SH3RF3: variants seen among roughly 807,000 people sequenced by gnomAD.
SH3RF3 encodes E3 ubiquitin-protein ligase SH3RF3.
In SH3RF3, 29 loss-of-function variants were observed where a neutral mutation model predicts 66.3. That is an observed-to-expected ratio of 0.44 (90% CI 0.33 to 0.60). SH3RF3 has a LOEUF of 0.60. SH3RF3 is among the 20% of genes least tolerant of loss of function. The pLI is 0.04. For missense variants in SH3RF3, 1,194 were observed against 1,190.9 expected, an observed-to-expected ratio of 1.00 and a Z score of -0.04; for synonymous variants, 583 against 532.0, an observed-to-expected ratio of 1.10 and a Z score of -1.32.
Position 109,476,099 on chromosome 2 carries a change from G to A in SH3RF3, c.2149-14506G>A, listed in dbSNP as rs1678676234. Reference sequence around the variant, plus strand: ...AAACTTGTAAGAGGGCAGATCTCAGGTTAAGTGTTCTTACCAAACTAAGAG... The same window carrying A: ...AAACTTGTAAGAGGGCAGATCTCAGATTAAGTGTTCTTACCAAACTAAGAG... On this transcript the variant is annotated intron_variant, in intron 8 of 9. Transcript: ENST00000309415. Among the ~76,000 whole-genome samples the A allele has an allele frequency of 3.3e-5, 5 of 152,266 alleles. No homozygotes were observed. The South Asian group carries it at 1.0e-3, about 32-fold the overall frequency.
intron 3 of SH3RF3, among the ~76,000 whole-genome samples, chr2:109,376,867 C>T (rs1401168015): frequency 6.6e-6 from 1 of 152,242 alleles, no homozygotes; most frequent in Non-Finnish European, 1.5e-5. Flanking sequence ...GAACCCCTTC[C>T]TTTGTTCCCC....
intron 1 of SH3RF3, among the ~76,000 whole-genome samples, chr2:109,296,493 C>T (rs1214482525): frequency 6.6e-6 from 1 of 152,110 alleles, no homozygotes; most frequent in Non-Finnish European, 1.5e-5. Flanking sequence ...CCACCCGCTT[C>T]AGCCTCCCAA....
rs1478149121 is a variant in SH3RF3, at chr2:109,308,237, G to A, written c.574-39437G>A. 1.5e-5 allele frequency among the ~76,000 whole-genome samples: 2 copies of A among 129,412 alleles called. 1 individual carries two copies. The highest frequency in any genetic ancestry group is 3.1e-5 in the Non-Finnish European group (2 of 64,112). 84.9% of individuals were successfully genotyped at this position (129,412 alleles called of 152,430 possible). A position where few individuals can be genotyped will look rare whatever the true frequency, so the allele number is the denominator to read the frequency against. ...AAATGTCTTCTTTTGAGAAGTGTCT[G>A]TTCACATCGTTTGCCCACTTTTTGA... On this transcript the variant is annotated intron_variant, in intron 1 of 9. Transcript: ENST00000309415.
At position 109,312,326 on chromosome 2, in the gene SH3RF3, T is replaced by C. The variant is rs537778080; in HGVS notation, c.574-35348T>C. Among the ~76,000 whole-genome samples, 16 of 152,360 alleles carry C rather than the reference T, an allele frequency of 1.1e-4. 1 individual carries two copies. The highest frequency in any genetic ancestry group is 3.8e-4 in the African/African-American group (16 of 41,584). The stretch of plus-strand genomic sequence containing the variant: ...CTCGAGGTTGGCTTGCTCCTCTTTC[T>C]AATAATTCTAACAAGTTTAACGGGT... On this transcript the variant is annotated intron_variant, in intron 1 of 9. Transcript: ENST00000309415.
intron 1 of SH3RF3, among the ~76,000 whole-genome samples, chr2:109,345,182 T>C (rs1483874783): frequency 6.6e-5 from 10 of 152,174 alleles, no homozygotes; most frequent in African/African-American, 2.4e-5. Flanking sequence ...GCACCCCAGC[T>C]TTACCTGCCA....
chr2:109,321,320 T>C (rs1287775153), intron 1 of SH3RF3, among the ~76,000 whole-genome samples: 1 of 152,242 alleles, frequency 6.6e-6, no homozygotes, highest in Non-Finnish European at 1.5e-5. Context: ...GTAGAGCAAA[T>C]GTGGCATGCA....
chr2:109,415,253 T>C (rs1676691767), intron 4 of SH3RF3, among the ~76,000 whole-genome samples: 1 of 152,246 alleles, frequency 6.6e-6, no homozygotes, highest in Non-Finnish European at 1.5e-5. Flanking sequence ...CCCCTGAGTC[T>C]GTGGCTGTTT....
chr2:109,382,405 C>A (rs1423244921), intron 3 of SH3RF3, among the ~76,000 whole-genome samples: 1 of 152,162 alleles, frequency 6.6e-6, no homozygotes, highest in Non-Finnish European at 1.5e-5. Context: ...CCCACCTGCG[C>A]CCAGCCCACT....
In SH3RF3 at chr2:109,501,953, C is replaced by T. The variant is rs914060849; in HGVS notation, c.*282C>T. ...CTTGAGGAAGAGAGGCAGGTGCCGG[C>T]GCAGGCAGGCCTGTGGCTGTGGTTT... On this transcript the variant is annotated 3_prime_UTR_variant, in exon 10 of 10. Transcript: ENST00000309415. 23 of 386,882 alleles carry T rather than the reference C, an allele frequency of 5.9e-5. No individual in the cohort carries two copies. Among genetic ancestry groups the T allele is most frequent in the Non-Finnish European group, 9.5e-5 (20 of 209,748 alleles). The allele number at this position is 386,882 out of a possible 1,614,324, so 24.0% of individuals were successfully genotyped here.
At chr2:109,484,862 T>C (rs982269422) in intron 8 of SH3RF3, among the ~76,000 whole-genome samples, 1 of 152,154 alleles carries the variant, frequency 6.6e-6, no homozygotes. Context: ...GAGGATCCAC[T>C]TGTGTCTGAA....
intron 1 of SH3RF3, among the ~76,000 whole-genome samples, chr2:109,241,718 T>C (rs1679788319): frequency 6.6e-6 from 1 of 152,032 alleles, no homozygotes; most frequent in Non-Finnish European, 1.5e-5. Flanking sequence ...GGCTTCTGTA[T>C]CTGCCAGTTT....
chr2:109,393,738 G>A (rs1038641643), intron 3 of SH3RF3, among the ~76,000 whole-genome samples: 2 of 151,996 alleles, frequency 1.3e-5, no homozygotes, highest in African/African-American at 4.8e-5. Context: ...CCTCCACTCT[G>A]GGTCAGTGCA....
intron 1 of SH3RF3, among the ~76,000 whole-genome samples, chr2:109,182,125 T>G (rs572900609): frequency 6.6e-6 from 1 of 152,358 alleles, no homozygotes; most frequent in Non-Finnish European, 1.5e-5. Context: ...TTTGTCTTAC[T>G]TAGTTTTCTG....
At chr2:109,312,397 T>G (rs967926110) in intron 1 of SH3RF3, among the ~76,000 whole-genome samples, 8 of 152,174 alleles carry the variant, frequency 5.3e-5, no homozygotes, top group Admixed American at 5.2e-4. Context: ...CATTATAAAG[T>G]GTGCCAGTGG....
chr2:109,180,950 C>A (rs1678058876), intron 1 of SH3RF3, among the ~76,000 whole-genome samples: 1 of 152,208 alleles, frequency 6.6e-6, no homozygotes, highest in African/African-American at 2.4e-5. Context: ...TTTCTCCATG[C>A]AATATGTTTA....
intron 1 of SH3RF3, among the ~76,000 whole-genome samples, chr2:109,268,762 G>A (rs1266061532): frequency 6.6e-6 from 1 of 151,710 alleles, no homozygotes; most frequent in African/African-American, 2.4e-5. Flanking sequence ...AAGGCTTTGA[G>A]TCTGATGATG....
intron 7 of SH3RF3, among the ~76,000 whole-genome samples, chr2:109,442,448 G>C (rs1176230202): frequency 6.6e-6 from 1 of 152,056 alleles, no homozygotes; most frequent in African/African-American, 2.4e-5. Flanking sequence ...TAACTACATA[G>C]ATAAATATAT....
At chr2:109,362,054 ATT>A (rs1683059205) in intron 2 of SH3RF3, among the ~76,000 whole-genome samples, 1 of 151,306 alleles carries the variant, frequency 6.6e-6, no homozygotes, top group Non-Finnish European at 1.5e-5. Flanking sequence ...ATTTTTCTCT[ATT>A]GTTTTCAATT....
chr2:109,445,974 T>C (rs1677694255), intron 7 of SH3RF3, among the ~76,000 whole-genome samples: 1 of 151,932 alleles, frequency 6.6e-6, no homozygotes, highest in Admixed American at 6.6e-5. Flanking sequence ...ACCAAAAGTT[T>C]AAAGAAGAGA....
Sources: gnomAD v4.1 joint callset for allele counts (sites outside exome capture counted in the v4.1 genomes callset) on GRCh38, gnomAD v4.1.1 for gene constraint, MANE v1.5 for transcripts, NCBI Gene and HGNC (gene_info 2026-07-23, HGNC 2026-07-21) for gene names.